TINAG: variants seen among roughly 807,000 people sequenced by gnomAD.
TINAG encodes tubulointerstitial nephritis antigen.
In TINAG, 83 loss-of-function variants were observed where a neutral mutation model predicts 72.7. The ratio of observed to expected loss-of-function variants is 1.14; its 90% CI spans 0.96 to 1.37. The LOEUF (loss-of-function observed/expected upper bound fraction) is 1.37. TINAG is among the 40% of genes most tolerant of loss of function. The pLI is 0.00. For missense variants in TINAG, 685 were observed against 576.6 expected, an observed-to-expected ratio of 1.19 and a Z score of -1.93; for synonymous variants, 234 against 189.9, an observed-to-expected ratio of 1.23 and a Z score of -1.91.
At chr6:54,356,825 A>C (rs1300111697) in intron 9 of TINAG, among the ~76,000 whole-genome samples, 3 of 151,732 alleles carry the variant, frequency 2.0e-5, no homozygotes, top group African/African-American at 7.3e-5. Context: ...CCTCTTAGCT[A>C]TTCAAGGACA....
At chr6:54,372,692 T>C (rs1251835166) in intron 9 of TINAG, among the ~76,000 whole-genome samples, 5 of 149,936 alleles carry the variant, frequency 3.3e-5, no homozygotes, top group African/African-American at 1.2e-4. Flanking sequence ...GTTAGGATTT[T>C]ATCCGATCCT....
At chr6:54,326,603 G>T (rs1315162173) in intron 3 of TINAG, among the ~76,000 whole-genome samples, 199 bp from the exon 4 acceptor site, 1 of 151,970 alleles carries the variant, frequency 6.6e-6, no homozygotes, top group Non-Finnish European at 1.5e-5. Context: ...ACCTTATTTA[G>T]GAAGAGTATC....
At chr6:54,325,777 A>G (rs1784589423) in intron 3 of TINAG, among the ~76,000 whole-genome samples, 1 of 152,168 alleles carries the variant, frequency 6.6e-6, no homozygotes. Flanking sequence ...TTATACTACA[A>G]TATCTCTTAT....
At chr6:54,336,555 C>T (rs1182233354) in intron 4 of TINAG, among the ~76,000 whole-genome samples, 1 of 152,074 alleles carries the variant, frequency 6.6e-6, no homozygotes, top group Non-Finnish European at 1.5e-5. Context: ...CAAGAAGCTT[C>T]ACTGTGTTAT....
intron 9 of TINAG, among the ~76,000 whole-genome samples, chr6:54,358,088 A>G (rs573654016): frequency 6.9e-4 from 105 of 151,544 alleles, no homozygotes; most frequent in African/African-American, 2.3e-3. Context: ...CTTTCCCTCT[A>G]CCTAAAATGC....
intron 4 of TINAG, among the ~76,000 whole-genome samples, chr6:54,338,885 A>G (rs775849654): frequency 5.3e-5 from 8 of 152,158 alleles, no homozygotes; most frequent in Non-Finnish European, 8.8e-5. Flanking sequence ...AGCAGTTTGT[A>G]AAAAACACTG....
At chr6:54,333,323 T>C (rs1031094334) in intron 4 of TINAG, among the ~76,000 whole-genome samples, 2 of 152,158 alleles carry the variant, frequency 1.3e-5, no homozygotes, top group African/African-American at 4.8e-5. Context: ...TGCAGGGACA[T>C]GGATGAAGCT....
intron 9 of TINAG, among the ~76,000 whole-genome samples, chr6:54,368,932 G>A (rs1763520279): frequency 6.6e-6 from 1 of 151,546 alleles, no homozygotes; most frequent in Admixed American, 6.6e-5. Context: ...TTACACATTT[G>A]AAGGCTACAT....
chr6:54,320,513 A>G, intron 1 of TINAG, 66 bp from the exon 2 acceptor site: 2 of 1,297,876 alleles, frequency 1.5e-6, no homozygotes, highest in Non-Finnish European at 2.1e-6. Flanking sequence ...TTTTGATTAC[A>G]TTTTATGTTA....
chr6:54,325,649 A>C (rs1472915392), intron 3 of TINAG, among the ~76,000 whole-genome samples: 1 of 152,126 alleles, frequency 6.6e-6, no homozygotes. Context: ...TTGAGTGCTG[A>C]ATTAAATAAC....
intron 5 of TINAG, among the ~76,000 whole-genome samples, chr6:54,345,545 T>C (rs538436451): frequency 2.0e-5 from 3 of 152,148 alleles, no homozygotes; most frequent in Non-Finnish European, 4.4e-5. Context: ...ATTTTCTGAA[T>C]GAAAACACAG....
Position 54,358,107 on chromosome 6 carries a change from T to G in TINAG, c.1250+3471T>G, listed in dbSNP as rs1046915040. On this transcript the variant is annotated intron_variant, in intron 9 of 10. Transcript: ENST00000259782. ...CCCTCTACCTAAAATGCTCTTCTAC[T>G]GTATATACAGTTCCTTAGTGTCTGT... Among the ~76,000 whole-genome samples, 10 of 151,966 alleles carry G rather than the reference T, an allele frequency of 6.6e-5. 1 individual carries two copies. The highest frequency in any genetic ancestry group is 3.9e-4 in the Admixed American group (6 of 15,226).
chr6:54,387,010 G>T (rs1313360149), intron 10 of TINAG, among the ~76,000 whole-genome samples: 4 of 152,036 alleles, frequency 2.6e-5, no homozygotes, highest in Non-Finnish European at 4.4e-5. Flanking sequence ...TATCTGGAAA[G>T]GTATCTGACA....
intron 10 of TINAG, among the ~76,000 whole-genome samples, chr6:54,386,513 T>C (rs923351559): frequency 6.6e-6 from 1 of 152,142 alleles, no homozygotes; most frequent in African/African-American, 2.4e-5. Flanking sequence ...TATTCTCAGA[T>C]CTTAGAGGAT....
At chr6:54,331,346 A>G (rs1175963016) in intron 4 of TINAG, among the ~76,000 whole-genome samples, 1 of 152,224 alleles carries the variant, frequency 6.6e-6, no homozygotes, top group Admixed American at 6.5e-5. Flanking sequence ...AACAGAACCA[A>G]TAACAAAAAC....
upstream of TINAG, chr6:54,308,179 G>A: frequency 6.7e-7 from 1 of 1,486,358 alleles, no homozygotes; most frequent in Non-Finnish European, 9.2e-7. Context: ...TCTGGGCCAT[G>A]TATATTCTAA....
intron 3 of TINAG, among the ~76,000 whole-genome samples, chr6:54,324,775 A>T (rs1784567237): frequency 6.6e-6 from 1 of 152,154 alleles, no homozygotes. Flanking sequence ...TCTCTTAGAT[A>T]TTTACTTCTT....
rs1276729189 is a variant in TINAG, at chr6:54,385,045, C to A, written c.1296+4474C>A. Among the ~76,000 whole-genome samples the A allele has an allele frequency of 2.0e-5, 3 of 151,710 alleles. No individual in the cohort carries two copies. In the South Asian group the frequency reaches 6.2e-4, roughly 31 times the overall value. Reference sequence around the variant, plus strand: ...TACTGAATGTAATAGAAAATGCATGCATTGGAAAAGAAGAAAGGTTAAAAT... The same window carrying A: ...TACTGAATGTAATAGAAAATGCATGAATTGGAAAAGAAGAAAGGTTAAAAT... On this transcript the variant is annotated intron_variant, in intron 10 of 10. Coordinates refer to ENST00000259782, the MANE Select transcript of TINAG (RefSeq NM_014464.4).
intron 9 of TINAG, among the ~76,000 whole-genome samples, chr6:54,356,787 C>G (rs1763052436): frequency 6.6e-6 from 1 of 150,988 alleles, no homozygotes; most frequent in Non-Finnish European, 1.5e-5. Flanking sequence ...TTGTCTAAAT[C>G]TCTCTTCATT....
Sources: gnomAD v4.1 joint callset for allele counts (sites outside exome capture counted in the v4.1 genomes callset) on GRCh38, gnomAD v4.1.1 for gene constraint, MANE v1.5 for transcripts, NCBI Gene and HGNC (gene_info 2026-07-23, HGNC 2026-07-21) for gene names.